The following SYT11 variants were observed in gnomAD, a reference collection of about 807,000 sequenced individuals.
SYT11 encodes synaptotagmin 11.
In SYT11, 12 loss-of-function variants were observed where a neutral mutation model predicts 30.4. The ratio of observed to expected loss-of-function variants is 0.39; its 90% CI spans 0.25 to 0.64. The LOEUF (loss-of-function observed/expected upper bound fraction) is 0.64, where lower values mean the gene tolerates loss of function less well. Ranked by LOEUF, SYT11 falls within the 30% of genes least tolerant of loss-of-function variation. SYT11 has a pLI of 0.45. For missense variants in SYT11, 412 were observed against 552.0 expected, an observed-to-expected ratio of 0.75 and a Z score of 2.54; for synonymous variants, 204 against 216.0, an observed-to-expected ratio of 0.94 and a Z score of 0.49.
At position 155,881,391 on chromosome 1, in the gene SYT11, G is replaced by C; in HGVS notation, c.1179G>C (p.Val393=). The C allele has an allele frequency of 2.5e-6, 4 of 1,614,066 alleles. No individual in the cohort carries two copies. The highest frequency in any genetic ancestry group is 3.4e-6 in the Non-Finnish European group (4 of 1,180,024). Residue 393 remains valine (V), a synonymous_variant, in exon 4 of 4, where the codon GTG becomes GTC. Transcript: ENST00000368324. ...DFDRTTKNEV[V]GRLILGAHSV... is the part of the protein sequence containing the mutation. Reference sequence around the variant, plus strand: ...ATCGCACCACCAAGAATGAGGTGGTGGGGAGGCTGATCCTGGGGGCACACA... The same window carrying C: ...ATCGCACCACCAAGAATGAGGTGGTCGGGAGGCTGATCCTGGGGGCACACA...
In SYT11 at chr1:155,868,447, G is replaced by T. The variant is rs1424477442; in HGVS notation, c.517G>T (p.Ala173Ser). Residue 173 changes from alanine to serine, a missense_variant, in exon 2 of 4, where the codon GCC (alanine) becomes TCC (serine). Ala to Ser is a moderately conservative substitution (Grantham distance 99). Coordinates refer to ENST00000368324, the MANE Select transcript of SYT11 (RefSeq NM_152280.5). The surrounding 1 kb of genome is among the most constrained non-coding windows in gnomAD (Gnocchi z 4.7). The stretch of plus-strand genomic sequence containing the variant: ...AGTGGACTATAACTTCCCGAAAAAA[G>T]CCCTGGTGGTGACAATCCAGGAGGC... ...FSVDYNFPKK[A>S]LVVTIQEAHG... 6.2e-7 allele frequency: 1 copy of T among 1,614,002 alleles called. No homozygotes were observed. Among genetic ancestry groups the T allele is most frequent in the Non-Finnish European group, 8.5e-7 (1 of 1,180,006 alleles).
rs79096273 is a variant in SYT11 at position 155,870,992 on chromosome 1, T to C, written c.861+2201T>C. Among the ~76,000 whole-genome samples, 1,280 of 152,238 alleles carry C rather than the reference T, an allele frequency of 8.4e-3. 17 individuals carry two copies. The highest frequency in any genetic ancestry group is 0.029 in the African/African-American group (1,210 of 41,534). Reference sequence around the variant, plus strand: ...TCAGGACATCTGGCCCCAAGAAGGGTTTATTGAGGTTATGTTCATCCACCT... The same window carrying C: ...TCAGGACATCTGGCCCCAAGAAGGGCTTATTGAGGTTATGTTCATCCACCT... On this transcript the variant is annotated intron_variant, in intron 2 of 3. Coordinates refer to ENST00000368324, the MANE Select transcript of SYT11 (RefSeq NM_152280.5).
chr1:155,866,967 TACACACACACACAC>T (rs60368180), intron 1 of SYT11, among the ~76,000 whole-genome samples: 1 of 146,586 alleles, frequency 6.8e-6, no homozygotes, highest in African/African-American at 2.5e-5. Flanking sequence ...TATATACACA[TACACACACACACAC>T]ACACACACAC....
chr1:155,861,667 G>A (rs921321239), intron 1 of SYT11, among the ~76,000 whole-genome samples: 13 of 152,176 alleles, frequency 8.5e-5, no homozygotes, highest in Non-Finnish European at 1.2e-4. Flanking sequence ...TGCCCAGGTT[G>A]GAGTGCAATG....
intron 2 of SYT11, among the ~76,000 whole-genome samples, chr1:155,879,279 T>C (rs964561090): frequency 3.3e-5 from 5 of 152,068 alleles, no homozygotes; most frequent in African/African-American, 1.2e-4. Flanking sequence ...TAGCCGGGCA[T>C]GGTGGCGGGC....
chr1:155,879,841 A>G (rs1672932871), intron 2 of SYT11, among the ~76,000 whole-genome samples: 1 of 152,212 alleles, frequency 6.6e-6, no homozygotes, highest in Non-Finnish European at 1.5e-5. Flanking sequence ...TTTCACCCAC[A>G]TTTTATAGGT....
At chr1:155,867,335 A>C (rs1672698065) in intron 1 of SYT11, among the ~76,000 whole-genome samples, 1 of 152,196 alleles carries the variant, frequency 6.6e-6, no homozygotes, top group Admixed American at 6.5e-5. Context: ...CCGGGATTAC[A>C]GGTGTGAGCC....
intron 3 of SYT11, 46 bp downstream of exon 3, chr1:155,880,669 G>T (rs183287288): frequency 7.5e-6 from 12 of 1,608,148 alleles, no homozygotes; most frequent in African/African-American, 5.4e-5. Context: ...AACCATCCCC[G>T]ACTCCTTGCC....
At chr1:155,879,112 G>A (rs1381782240) in intron 2 of SYT11, among the ~76,000 whole-genome samples, 2 of 151,690 alleles carry the variant, frequency 1.3e-5, no homozygotes, top group Non-Finnish European at 2.9e-5. Flanking sequence ...CTATGAAAAT[G>A]TTCTTTAAAA....
chr1:155,878,899 AT>A (rs1471713478), intron 2 of SYT11, among the ~76,000 whole-genome samples: 3 of 147,900 alleles, frequency 2.0e-5, no homozygotes, highest in African/African-American at 5.0e-5. Flanking sequence ...AAATAAATAA[AT>A]TAATTAATTA....
In SYT11 at chr1:155,872,067, T is replaced by A. The variant is rs138082977; in HGVS notation, c.861+3276T>A. On this transcript the variant is annotated intron_variant, in intron 2 of 3. Transcript: ENST00000368324. ...GCCTGGATGACAGAAGGAGACCCTG[T>A]CTCAAAATAAAAAATAAAAAATAAA... 7.1e-3 allele frequency among the ~76,000 whole-genome samples: 1,069 copies of A among 151,558 alleles called. 12 individuals are homozygous for A. The highest frequency in any genetic ancestry group is 0.024 in the African/African-American group (1,007 of 41,234).
At position 155,859,694 on chromosome 1, in the gene SYT11, C is replaced by A; in HGVS notation, c.-68C>A. 1 of 1,486,844 alleles carries A rather than the reference C, an allele frequency of 6.7e-7. No individual in the cohort carries two copies. The highest frequency in any genetic ancestry group is 9.4e-7 in the Non-Finnish European group (1 of 1,064,128). The allele number at this position is 1,486,844 out of a possible 1,614,324, so 92.1% of individuals were successfully genotyped here. On this transcript the variant is annotated 5_prime_UTR_variant, in exon 1 of 4. In the 5' UTR this introduces an upstream ATG that the reference lacks. Coordinates refer to ENST00000368324, the MANE Select transcript of SYT11 (RefSeq NM_152280.5). Reference sequence around the variant, plus strand: ...GAGCTCTACAGCTGCTGCCTCGGTACTGACCGAGGGTTCCCAGAGCTGTCT... The same window carrying A: ...GAGCTCTACAGCTGCTGCCTCGGTAATGACCGAGGGTTCCCAGAGCTGTCT...
intron 2 of SYT11, among the ~76,000 whole-genome samples, chr1:155,879,286 G>A (rs574629144): frequency 6.6e-5 from 10 of 152,028 alleles, no homozygotes; most frequent in South Asian, 2.1e-4. Flanking sequence ...GCATGGTGGC[G>A]GGCACCTGTA....
intron 2 of SYT11, among the ~76,000 whole-genome samples, chr1:155,869,263 CTTTTTTT>C (rs767071892): frequency 1.7e-4 from 14 of 83,880 alleles, no homozygotes; most frequent in African/African-American, 7.3e-4. Context: ...ATGTACATGT[CTTTTTTT>C]TTTTTTTTTT....
At chr1:155,877,553 A>AT (rs35826776) in intron 2 of SYT11, among the ~76,000 whole-genome samples, 37,653 of 134,056 alleles carry the variant, frequency 0.28, 5,930 homozygotes, top group East Asian at 0.72. Context: ...CGCCCAGCTA[A>AT]TTTTTTTTTT....
intron 1 of SYT11, among the ~76,000 whole-genome samples, chr1:155,861,195 T>C (rs1672581822): frequency 6.6e-6 from 1 of 152,228 alleles, no homozygotes. Context: ...TTCTCACTTA[T>C]TCCACAAGGC....
At chr1:155,866,910 A>G (rs1672685510) in intron 1 of SYT11, among the ~76,000 whole-genome samples, 1 of 151,872 alleles carries the variant, frequency 6.6e-6, no homozygotes. Flanking sequence ...ACATAAATAC[A>G]TATATATACA....
At chr1:155,859,878 C>A in intron 1 of SYT11, 83 bp downstream of exon 1, 1 of 1,314,202 alleles carries the variant, frequency 7.6e-7, no homozygotes, top group Non-Finnish European at 1.1e-6. Flanking sequence ...GCAGAGAATG[C>A]AGCCCAGACC....
chr1:155,866,875 T>C (rs1437317358), intron 1 of SYT11, among the ~76,000 whole-genome samples: 1 of 151,938 alleles, frequency 6.6e-6, no homozygotes, highest in Non-Finnish European at 1.5e-5. Flanking sequence ...TCTCTATTTC[T>C]TCCTATTTAG....
Sources: allele counts gnomAD v4.1 joint callset (sites outside exome capture counted in the v4.1 genomes callset), GRCh38; gene constraint gnomAD v4.1.1; non-coding constraint Gnocchi (gnomAD v3.1); transcripts MANE v1.5; gene names NCBI Gene and HGNC (gene_info 2026-07-23, HGNC 2026-07-21).